The following GLRX3 variants were observed in gnomAD, a reference collection of about 807,000 sequenced individuals.
GLRX3 encodes glutaredoxin 3.
GLRX3 carries 22 observed loss-of-function variants against 49.5 expected under a neutral mutation model. The ratio of observed to expected loss-of-function variants is 0.44; its 90% CI spans 0.32 to 0.63. The LOEUF (loss-of-function observed/expected upper bound fraction) is 0.63. GLRX3 is among the 30% of genes least tolerant of loss of function. The probability of loss-of-function intolerance (pLI) is 0.05; values close to 1 mark genes in which losing one functional copy is unlikely to be tolerated. For synonymous variants in GLRX3, 133 were observed against 140.0 expected, an observed-to-expected ratio of 0.95 and a Z score of 0.35; for missense variants, 385 against 396.3, an observed-to-expected ratio of 0.97 and a Z score of 0.24.
intron 8 of GLRX3, among the ~76,000 whole-genome samples, chr10:130,173,658 T>C (rs997592989): frequency 6.6e-6 from 1 of 152,226 alleles, no homozygotes; most frequent in Non-Finnish European, 1.5e-5. Context: ...TTATGAATAG[T>C]TGTATAACTC....
intron 6 of GLRX3, 102 bp downstream of exon 6, chr10:130,167,082 A>T (rs1862706478): frequency 3.4e-6 from 2 of 591,268 alleles, no homozygotes; most frequent in Non-Finnish European, 2.9e-6. Context: ...GAAATCAAGG[A>T]TTTGGTATGC....
chr10:130,161,031 A>C, intron 4 of GLRX3, 34 bp downstream of exon 4: 1 of 1,472,288 alleles, frequency 6.8e-7, no homozygotes, highest in Non-Finnish European at 9.5e-7. Flanking sequence ...TATAAACAAA[A>C]TGGGTGCTTT....
chr10:130,173,198 G>T (rs569680519), intron 8 of GLRX3, among the ~76,000 whole-genome samples: 1 of 152,126 alleles, frequency 6.6e-6, no homozygotes, highest in Admixed American at 6.5e-5. Context: ...CTTCTGAGCC[G>T]ACACACTGGG....
chr10:130,149,059 T>TA (rs898820353), intron 2 of GLRX3, among the ~76,000 whole-genome samples: 16 of 151,264 alleles, frequency 1.1e-4, no homozygotes, highest in African/African-American at 2.2e-4. Context: ...CCTTGTCTCT[T>TA]AAAAAAAAAT....
At chr10:130,153,017 C>G (rs1862408374) in intron 2 of GLRX3, among the ~76,000 whole-genome samples, 1 of 152,088 alleles carries the variant, frequency 6.6e-6, no homozygotes, top group South Asian at 2.1e-4. Context: ...CTCTTTTTTG[C>G]TCTAATCTTG....
Position 130,145,233 on chromosome 10 carries a change from TG to T in GLRX3, c.118del (p.Ala40HisfsTer10). On this transcript the variant is annotated frameshift_variant, in exon 2 of 11. Coordinates refer to ENST00000331244, the MANE Select transcript of GLRX3 (RefSeq NM_006541.5). LOFTEE classifies it high-confidence loss of function. ...CAGGTCCCTCCTTGTGGTCCATTTC[TG>T]GGCACCATGGGCTCCACAGTGTGCA... ...KAKSLLVVHFWAPWAPQCAQM... is the reference protein window; with the variant it reads ...KAKSLLVVHFXAPWAPQCAQM... The T allele has an allele frequency of 2.7e-6, 4 of 1,500,110 alleles. No individual in the cohort carries two copies. The highest frequency in any genetic ancestry group is 3.7e-6 in the Non-Finnish European group (4 of 1,085,990). 92.9% of individuals were successfully genotyped at this position (1,500,110 alleles called of 1,614,324 possible). A position where few individuals can be genotyped will look rare whatever the true frequency, so the allele number is the denominator to read the frequency against.
rs543037239 is a variant in GLRX3 at position 130,142,921 on chromosome 10, G to A, written c.93-2290G>A. 1.1e-3 allele frequency among the ~76,000 whole-genome samples: 162 copies of A among 152,288 alleles called. 2 individuals carry two copies. Among genetic ancestry groups the A allele is most frequent in the Non-Finnish European group, 6.3e-4 (43 of 68,024 alleles). Reference sequence around the variant, plus strand: ...AAGCCCCCTGAGGCGCTGACCTCGGGTCTCCTCTGTGTCCCTCTGTAACCC... The same window carrying A: ...AAGCCCCCTGAGGCGCTGACCTCGGATCTCCTCTGTGTCCCTCTGTAACCC... On this transcript the variant is annotated intron_variant, in intron 1 of 10. Transcript: ENST00000331244.
intron 1 of GLRX3, among the ~76,000 whole-genome samples, chr10:130,143,006 A>G (rs571627457): frequency 3.9e-5 from 6 of 152,310 alleles, no homozygotes; most frequent in South Asian, 2.1e-4. Context: ...TATCAGGTGC[A>G]GACTTCTTCC....
At chr10:130,168,932 T>TA (rs1862749272) in intron 6 of GLRX3, among the ~76,000 whole-genome samples, 2 of 152,228 alleles carry the variant, frequency 1.3e-5, no homozygotes, top group African/African-American at 4.8e-5. Context: ...AAAGACTATA[T>TA]AAAATATAAA....
At chr10:130,149,452 A>G (rs528276684) in intron 2 of GLRX3, among the ~76,000 whole-genome samples, 17 of 152,138 alleles carry the variant, frequency 1.1e-4, no homozygotes, top group African/African-American at 4.1e-4. Context: ...AAAAAAAAAA[A>G]ACAAAACAGG....
intron 6 of GLRX3, among the ~76,000 whole-genome samples, chr10:130,168,511 C>G (rs923038656): frequency 1.3e-5 from 2 of 152,208 alleles, no homozygotes; most frequent in African/African-American, 4.8e-5. Flanking sequence ...GTGGTGCTAT[C>G]TTGGCTCACT....
At chr10:130,166,298 G>C (rs367996330) in intron 4 of GLRX3, among the ~76,000 whole-genome samples, 6 of 150,030 alleles carry the variant, frequency 4.0e-5, no homozygotes, top group Non-Finnish European at 7.4e-5. Flanking sequence ...AGTCATATCT[G>C]AGTGTGTGAT....
intron 6 of GLRX3, among the ~76,000 whole-genome samples, chr10:130,168,006 G>T (rs1862726814): frequency 6.6e-6 from 1 of 152,134 alleles, no homozygotes; most frequent in South Asian, 2.1e-4. Context: ...TTATATGCTT[G>T]TATTTGCTCT....
chr10:130,144,470 CCT>C (rs1201069561), intron 1 of GLRX3, among the ~76,000 whole-genome samples: 2 of 151,990 alleles, frequency 1.3e-5, no homozygotes, highest in South Asian at 2.1e-4. Flanking sequence ...CCCCCCACCC[CCT>C]GACAGGCCCT....
intron 1 of GLRX3, among the ~76,000 whole-genome samples, chr10:130,141,707 G>C (rs1371761218): frequency 6.6e-6 from 1 of 152,154 alleles, no homozygotes; most frequent in African/African-American, 2.4e-5. Context: ...TTCTCCTGTT[G>C]GCGGACATTT....
intron 2 of GLRX3, among the ~76,000 whole-genome samples, chr10:130,153,929 G>T (rs1356838937): frequency 2.0e-5 from 3 of 152,190 alleles, no homozygotes; most frequent in African/African-American, 7.2e-5. Flanking sequence ...AGGCCTTGCT[G>T]AGCTGTGGTG....
At chr10:130,145,557 G>C (rs950232679) in intron 2 of GLRX3, among the ~76,000 whole-genome samples, 1 of 152,066 alleles carries the variant, frequency 6.6e-6, no homozygotes, top group African/African-American at 2.4e-5. Context: ...AGCTATGTGG[G>C]AGGCTGAGGC....
intron 2 of GLRX3, among the ~76,000 whole-genome samples, chr10:130,150,302 C>T (rs1862350132): frequency 6.6e-6 from 1 of 151,776 alleles, no homozygotes. Flanking sequence ...TCGAATGGCT[C>T]TTGCTTTCCA....
chr10:130,167,008 C>G, intron 6 of GLRX3, 28 bp downstream of exon 6: 11 of 1,254,134 alleles, frequency 8.8e-6, no homozygotes, highest in Non-Finnish European at 1.2e-5. Context: ...TTTCAAATAG[C>G]CTATCATTTA....
Sources: allele counts gnomAD v4.1 joint callset (sites outside exome capture counted in the v4.1 genomes callset), GRCh38; gene constraint gnomAD v4.1.1; transcripts MANE v1.5; gene names NCBI Gene and HGNC (gene_info 2026-07-23, HGNC 2026-07-21).